GRIN2A: variants seen among roughly 807,000 people sequenced by gnomAD.
GRIN2A encodes the protein glutamate receptor ionotropic, NMDA 2A.
GRIN2A carries 22 observed loss-of-function variants against 113.4 expected under a neutral mutation model. The ratio of observed to expected loss-of-function variants is 0.19; its 90% CI spans 0.14 to 0.28. The LOEUF is 0.28. GRIN2A is among the 10% of genes least tolerant of loss of function. GRIN2A has a pLI of 1.00. For missense variants in GRIN2A, 1,502 were observed against 1,887.0 expected, an observed-to-expected ratio of 0.80 and a Z score of 3.78; for synonymous variants, 827 against 738.4, an observed-to-expected ratio of 1.12 and a Z score of -1.94.
At chr16:10,123,092 G>A (rs148274528) in intron 2 of GRIN2A, among the ~76,000 whole-genome samples, 5 of 152,176 alleles carry the variant, frequency 3.3e-5, no homozygotes, top group African/African-American at 4.8e-5. Flanking sequence ...GAAAATCAAA[G>A]TTTTTTCCCA....
chr16:9,849,800 C>G lies in GRIN2A; in HGVS notation c.1284G>C (p.Thr428=). ...GACATGGCACGGTGTTCCTCACACACGTCTCGGTCAGGGGGTCTATGTCTT... is the reference window on the plus strand; with the variant it reads ...GACATGGCACGGTGTTCCTCACACAGGTCTCGGTCAGGGGGTCTATGTCTT... ...IVEDIDPLTE[T]CVRNTVPCRK... Residue 428 remains threonine (T), a synonymous_variant, in exon 5 of 13, where the codon ACG becomes ACC. Coordinates refer to ENST00000330684, the MANE Select transcript of GRIN2A (RefSeq NM_001134407.3). The G allele has an allele frequency of 1.9e-6, 3 of 1,614,100 alleles. No individual in the cohort carries two copies. Among genetic ancestry groups the G allele is most frequent in the Non-Finnish European group, 1.7e-6 (2 of 1,180,000 alleles).
chr16:9,807,464 A>G (rs892723840), intron 10 of GRIN2A, among the ~76,000 whole-genome samples: 1 of 151,688 alleles, frequency 6.6e-6, no homozygotes, highest in African/African-American at 2.4e-5. Flanking sequence ...AGAAAGAGAA[A>G]GAATACCCAA....
intron 2 of GRIN2A, among the ~76,000 whole-genome samples, chr16:10,163,208 G>A (rs1217839484): frequency 6.6e-6 from 1 of 152,136 alleles, no homozygotes; most frequent in Non-Finnish European, 1.5e-5. Context: ...GCTGGCTTCA[G>A]CTCCTGTGCT....
rs869182389 is a variant in GRIN2A at position 9,914,905 on chromosome 16, C to CTTTTTTTTT, written c.1007+23045_1007+23053dup. On this transcript the variant is annotated intron_variant, in intron 3 of 12. Coordinates refer to ENST00000330684, the MANE Select transcript of GRIN2A (RefSeq NM_001134407.3). ...TATTTACAGCCTATTGATTATGCAGCTTTTTTTTTTTTTTTTTTTTTTTTT... is the reference window on the plus strand; with the variant it reads ...TATTTACAGCCTATTGATTATGCAGCTTTTTTTTTTTTTTTTTTTTTTTTTTTTTTTTTT... Among the ~76,000 whole-genome samples the CTTTTTTTTT allele has an allele frequency of 1.5e-4, 5 of 33,476 alleles. 1 individual carries two copies. Among genetic ancestry groups the CTTTTTTTTT allele is most frequent in the Non-Finnish European group, 2.3e-4 (4 of 17,124 alleles). The allele number at this position is 33,476 out of a possible 152,430, so 22.0% of individuals were successfully genotyped here.
chr16:10,012,052 T>C (rs1166647519), intron 2 of GRIN2A, among the ~76,000 whole-genome samples: 1 of 151,824 alleles, frequency 6.6e-6, no homozygotes, highest in African/African-American at 2.4e-5. Flanking sequence ...TCAGTGATAC[T>C]TGGAAATGAT....
intron 2 of GRIN2A, among the ~76,000 whole-genome samples, chr16:9,945,882 A>T (rs1405796122): frequency 6.6e-6 from 1 of 152,158 alleles, no homozygotes; most frequent in Non-Finnish European, 1.5e-5. Context: ...CTAACTTCAA[A>T]TATTGTGGCT....
intron 2 of GRIN2A, among the ~76,000 whole-genome samples, chr16:9,958,852 GGGCTTGTTCACTGATACATCCCTTGTGCT>G (rs1359787826): frequency 6.6e-6 from 1 of 152,154 alleles, no homozygotes; most frequent in African/African-American, 2.4e-5. Context: ...ATACAAGCAT[GGGCTTGTTCACTGATACATCCCTTGTGCT>G]GGCTGTACAG....
chr16:9,851,499 C>T (rs2042881832), intron 4 of GRIN2A, among the ~76,000 whole-genome samples: 1 of 152,232 alleles, frequency 6.6e-6, no homozygotes, highest in African/African-American at 2.4e-5. Flanking sequence ...CTTCTTGGAA[C>T]TGTCAGTCAG....
rs187221797 is a variant in GRIN2A at position 9,766,380 on chromosome 16, A to C, written c.2596-1432T>G. 1.2e-3 allele frequency among the ~76,000 whole-genome samples: 180 copies of C among 152,312 alleles called. 1 individual carries two copies. The highest frequency in any genetic ancestry group is 0.011 in the Admixed American group (161 of 15,304). ...CTGCTACATTTTTCTTGTAGTAGACAGTCTCTCCACTCCAGCCTTCAAGGA... is the reference window on the plus strand; with the variant it reads ...CTGCTACATTTTTCTTGTAGTAGACCGTCTCTCCACTCCAGCCTTCAAGGA... On this transcript the variant is annotated intron_variant, in intron 12 of 12. Coordinates refer to ENST00000330684, the MANE Select transcript of GRIN2A (RefSeq NM_001134407.3).
intron 2 of GRIN2A, among the ~76,000 whole-genome samples, chr16:10,044,022 T>TATAGAGAGAGAGATAG (rs531659457): frequency 3.9e-4 from 42 of 108,010 alleles, no homozygotes; most frequent in African/African-American, 1.6e-3. Flanking sequence ...TATATATATA[T>TATAGAGAGAGAGATAG]AGAGAGAGAG....
At chr16:9,831,454 CT>C (rs1237955060) in intron 8 of GRIN2A, among the ~76,000 whole-genome samples, 1 of 151,588 alleles carries the variant, frequency 6.6e-6, no homozygotes, top group African/African-American at 2.4e-5. Context: ...CCCCAGTGAC[CT>C]TTTTGCTCTG....
intron 2 of GRIN2A, among the ~76,000 whole-genome samples, chr16:10,018,939 G>C (rs958601284): frequency 6.6e-6 from 1 of 152,018 alleles, no homozygotes; most frequent in East Asian, 1.9e-4. Context: ...CATGCCAGCA[G>C]CTCAGACCCC....
intron 4 of GRIN2A, among the ~76,000 whole-genome samples, chr16:9,872,213 G>C (rs9989382): frequency 0.23 from 34,380 of 151,940 alleles, 4,035 homozygotes; most frequent in African/African-American, 0.25. Context: ...CAGAATTAGC[G>C]GGAGTCTCAC....
chr16:9,858,539 AAAT>A (rs200156573), intron 4 of GRIN2A, among the ~76,000 whole-genome samples: 1 of 152,118 alleles, frequency 6.6e-6, no homozygotes, highest in Non-Finnish European at 1.5e-5. Flanking sequence ...GTGACGACAA[AAAT>A]AATAATAATA....
chr16:9,858,333 T>A (rs2043003075), intron 4 of GRIN2A, among the ~76,000 whole-genome samples: 1 of 152,206 alleles, frequency 6.6e-6, no homozygotes, highest in Admixed American at 6.5e-5. Context: ...CTATTTTAAT[T>A]CTAATAAACT....
chr16:10,164,394 C>T (rs1275410261), intron 2 of GRIN2A, among the ~76,000 whole-genome samples: 4 of 152,198 alleles, frequency 2.6e-5, no homozygotes, highest in African/African-American at 9.7e-5. Context: ...CAAAACCTCA[C>T]CCTGCCTCTG....
At chr16:9,990,060 C>G (rs1309821241) in intron 2 of GRIN2A, among the ~76,000 whole-genome samples, 1 of 152,222 alleles carries the variant, frequency 6.6e-6, no homozygotes. Flanking sequence ...ATAAATGGTT[C>G]CACCAAAAAT....
chr16:10,145,240 G>T (rs1035042151), intron 2 of GRIN2A, among the ~76,000 whole-genome samples: 6 of 152,142 alleles, frequency 3.9e-5, no homozygotes, highest in African/African-American at 1.4e-4. Context: ...ATAAGTTCTG[G>T]AGATCTGCTG....
At chr16:9,918,103 C>T (rs2141572979) in intron 3 of GRIN2A, among the ~76,000 whole-genome samples, 1 of 152,288 alleles carries the variant, frequency 6.6e-6, no homozygotes, top group African/African-American at 2.4e-5. Flanking sequence ...CACAAACTCC[C>T]CCACTGTGAG....
Sources: gnomAD v4.1 joint callset for allele counts (sites outside exome capture counted in the v4.1 genomes callset) on GRCh38, gnomAD v4.1.1 for gene constraint, MANE v1.5 for transcripts, NCBI Gene and HGNC (gene_info 2026-07-23, HGNC 2026-07-21) for gene names.